Variants in PCDH15 observed in about 807,000 individuals in gnomAD.
PCDH15 encodes the protein protocadherin-15.
In PCDH15, 129 loss-of-function variants were observed where a neutral mutation model predicts 178.5. The observed-to-expected ratio is 0.72, with a 90% confidence interval of 0.63 to 0.84. The LOEUF (loss-of-function observed/expected upper bound fraction) is 0.84, where lower values mean the gene tolerates loss of function less well. PCDH15 is among the 40% of genes least tolerant of loss of function. The pLI is 0.00. For missense variants in PCDH15, 2,230 were observed against 2,099.9 expected (o/e 1.06, Z -1.21); for synonymous variants, 800 against 732.0 (o/e 1.09, Z -1.50).
intron 1 of PCDH15, among the ~76,000 whole-genome samples, chr10:54,718,690 T>C (rs998785875): frequency 1.4e-5 from 2 of 142,012 alleles, no homozygotes; most frequent in African/African-American, 5.3e-5. Flanking sequence ...GATTCTTTTT[T>C]TTTTTTTTTT....
At chr10:55,373,936 G>T (rs35118940) in intron 2 of PCDH15, among the ~76,000 whole-genome samples, 2 of 151,236 alleles carry the variant, frequency 1.3e-5, no homozygotes, top group Admixed American at 1.3e-4. Flanking sequence ...CACCGAGGCC[G>T]GTGGTGGGGT....
chr10:54,073,478 T>G (rs1253001185), intron 17 of PCDH15, among the ~76,000 whole-genome samples: 1 of 152,162 alleles, frequency 6.6e-6, no homozygotes, highest in Admixed American at 6.5e-5. Flanking sequence ...TATTTGATTA[T>G]GAAGTTAAAT....
At chr10:54,082,853 T>A (rs35384087) in intron 16 of PCDH15, among the ~76,000 whole-genome samples, 49,983 of 151,422 alleles carry the variant, frequency 0.33, 8,989 homozygotes, top group Middle Eastern at 0.46. Context: ...ACAAATCACA[T>A]ATCTGGTAAG....
intron 2 of PCDH15, among the ~76,000 whole-genome samples, chr10:55,534,625 T>A (rs1841530582): frequency 6.6e-6 from 1 of 152,122 alleles, no homozygotes; most frequent in South Asian, 2.1e-4. Context: ...TTGGTGAGAA[T>A]GTAGATTAGT....
chr10:54,354,474 C>T (rs377712424), intron 5 of PCDH15, among the ~76,000 whole-genome samples: 48 of 152,222 alleles, frequency 3.2e-4, no homozygotes, highest in African/African-American at 1.1e-3. Flanking sequence ...TGTGCCCATC[C>T]TATGGAAGAG....
At chr10:54,812,887 CTCTT>C (rs1485126763) in intron 3 of PCDH15, among the ~76,000 whole-genome samples, 29 of 152,182 alleles carry the variant, frequency 1.9e-4, no homozygotes, top group Admixed American at 1.8e-3. Context: ...AAATAGCAAA[CTCTT>C]AGATATCAAA....
Position 54,104,950 on chromosome 10 carries a change from A to G in PCDH15, c.1918-14887T>C, listed in dbSNP as rs150751861. On this transcript the variant is annotated intron_variant, in intron 15 of 37. Transcript: ENST00000644397. ...ACCAACCAACTTCATAGTCAAAGGT[A>G]TTATGTATAGAGTCACTAAACTCTT... Among the ~76,000 whole-genome samples, 1,468 of 151,394 alleles carry G rather than the reference A, an allele frequency of 9.7e-3. 17 individuals carry two copies. Among genetic ancestry groups the G allele is most frequent in the Non-Finnish European group, 0.015 (1,011 of 67,850 alleles).
chr10:54,942,381 A>T (rs1838085252), intron 2 of PCDH15, among the ~76,000 whole-genome samples: 1 of 152,048 alleles, frequency 6.6e-6, no homozygotes, highest in Non-Finnish European at 1.5e-5. Context: ...TTTGGAAAAT[A>T]TCCAGAGACT....
At chr10:55,122,649 T>C (rs1006743186) in intron 2 of PCDH15, among the ~76,000 whole-genome samples, 1 of 152,098 alleles carries the variant, frequency 6.6e-6, no homozygotes, top group Non-Finnish European at 1.5e-5. Context: ...GAAAACATAG[T>C]TGGAAATAAA....
intron 1 of PCDH15, among the ~76,000 whole-genome samples, chr10:54,737,166 G>A (rs760257293): frequency 1.3e-5 from 2 of 152,044 alleles, no homozygotes; most frequent in Non-Finnish European, 2.9e-5. Flanking sequence ...CTTCTTATGC[G>A]AAACTGGCCA....
At chr10:55,156,600 A>C (rs1838897262) in intron 2 of PCDH15, among the ~76,000 whole-genome samples, 1 of 152,156 alleles carries the variant, frequency 6.6e-6, no homozygotes, top group African/African-American at 2.4e-5. Context: ...GTGCACATGT[A>C]AAATTGACTC....
At chr10:54,489,546 G>GAA (rs1390400965) in intron 3 of PCDH15, among the ~76,000 whole-genome samples, 1 of 151,980 alleles carries the variant, frequency 6.6e-6, no homozygotes, top group Admixed American at 6.6e-5. Flanking sequence ...TTTTGTTCAG[G>GAA]AAAAACATAT....
intron 2 of PCDH15, among the ~76,000 whole-genome samples, chr10:54,558,379 C>T (rs925505396): frequency 1.3e-5 from 2 of 152,100 alleles, no homozygotes; most frequent in Non-Finnish European, 2.9e-5. Flanking sequence ...AATAATTTAT[C>T]AAACAACAGT....
At chr10:55,039,228 A>T (rs1840809008) in intron 2 of PCDH15, among the ~76,000 whole-genome samples, 1 of 152,098 alleles carries the variant, frequency 6.6e-6, no homozygotes, top group Non-Finnish European at 1.5e-5. Flanking sequence ...GTAAAAAATT[A>T]AGATGTGAGA....
At chr10:53,858,197 A>G (rs2133050973) in intron 27 of PCDH15, among the ~76,000 whole-genome samples, 1 of 152,260 alleles carries the variant, frequency 6.6e-6, no homozygotes, top group African/African-American at 2.4e-5. Flanking sequence ...TACCAGAATC[A>G]TAAATTGAAC....
intron 3 of PCDH15, among the ~76,000 whole-genome samples, chr10:54,877,960 T>TGAAACGGAGTCTCGC (rs1954180682): frequency 2.5e-5 from 1 of 39,482 alleles, no homozygotes; most frequent in Non-Finnish European, 4.7e-5. Flanking sequence ...TTTTTTTTTT[T>TGAAACGGAGTCTCGC]TTTTTTTTTT....
At chr10:54,831,189 A>T in intron 3 of PCDH15, among the ~76,000 whole-genome samples, 1 of 152,138 alleles carries the variant, frequency 6.6e-6, no homozygotes, top group Middle Eastern at 3.4e-3. Context: ...ATGTAAGATA[A>T]TTTTTTTATT....
At chr10:54,911,953 C>T (rs1306016741) in intron 2 of PCDH15, among the ~76,000 whole-genome samples, 1 of 152,138 alleles carries the variant, frequency 6.6e-6, no homozygotes, top group Non-Finnish European at 1.5e-5. Context: ...TAGAAAAGAA[C>T]TAATACAAAC....
At chr10:54,735,955 A>G (rs545795213) in intron 1 of PCDH15, among the ~76,000 whole-genome samples, 34 of 148,454 alleles carry the variant, frequency 2.3e-4, no homozygotes, top group African/African-American at 8.0e-4. Context: ...AGCATGGCAC[A>G]TGTATACATA....
Sources: gnomAD v4.1 joint callset for allele counts (sites outside exome capture counted in the v4.1 genomes callset) on GRCh38, gnomAD v4.1.1 for gene constraint, MANE v1.5 for transcripts, NCBI Gene and HGNC (gene_info 2026-07-23, HGNC 2026-07-21) for gene names.